The following RANBP2 variants were observed in gnomAD, a reference collection of about 807,000 sequenced individuals.
RANBP2 encodes the protein E3 SUMO-protein ligase RanBP2.
Under a neutral mutation model 303.6 loss-of-function variants are expected in RANBP2, and 57 were observed. The observed-to-expected ratio is 0.19, with a 90% CI of 0.15 to 0.23. RANBP2 has a LOEUF of 0.23. RANBP2 is among the 10% of genes least tolerant of loss of function. The pLI, the probability that RANBP2 is intolerant of heterozygous loss-of-function variation, is 1.00. For missense variants in RANBP2, 3,138 were observed against 3,780.8 expected (o/e 0.83, Z 4.46); for synonymous variants, 1,167 against 1,301.5 (o/e 0.90, Z 2.23).
the RANBP2 span, among the ~76,000 whole-genome samples, chr2:108,906,917 A>G: frequency 7.7e-4 from 117 of 152,368 alleles, no homozygotes; most frequent in African/African-American, 2.5e-3. Flanking sequence ...GCATCCTATC[A>G]GGACCAGGCT....
At chr2:108,773,096 A>T (rs1254858586) in intron 23 of RANBP2, 50 bp downstream of exon 23, 1 of 1,522,168 alleles carries the variant, frequency 6.6e-7, no homozygotes, top group Admixed American at 1.9e-5. Flanking sequence ...GCCTTTGTTG[A>T]TGCAGTAAAC....
the RANBP2 span, chr2:109,490,892 C>T: frequency 6.6e-7 from 1 of 1,526,318 alleles, no homozygotes; most frequent in East Asian, 2.5e-5. Flanking sequence ...CTCCGCTGTC[C>T]ATGGCTGCCA....
At chr2:108,967,755 C>T in the RANBP2 span, among the ~76,000 whole-genome samples, 4 of 152,210 alleles carry the variant, frequency 2.6e-5, no homozygotes, top group African/African-American at 9.6e-5. Flanking sequence ...AAAAACTAGA[C>T]GGTGGATTTC....
chr2:109,213,998 C>T, the RANBP2 span, among the ~76,000 whole-genome samples: 7 of 152,176 alleles, frequency 4.6e-5, no homozygotes, highest in South Asian at 4.2e-4. Context: ...GTGGACGTGG[C>T]GGGCAGGGGA....
chr2:109,333,211 A>G, the RANBP2 span, among the ~76,000 whole-genome samples: 2 of 152,222 alleles, frequency 1.3e-5, no homozygotes, highest in Non-Finnish European at 2.9e-5. Context: ...ACCTGTATCT[A>G]TCAGGTTCAG....
At chr2:108,926,126 G>A in the RANBP2 span, among the ~76,000 whole-genome samples, 4 of 152,126 alleles carry the variant, frequency 2.6e-5, no homozygotes, top group Non-Finnish European at 5.9e-5. Flanking sequence ...TCTCATCCTG[G>A]GCTGCACAGC....
chr2:109,194,002 A>G, the RANBP2 span, among the ~76,000 whole-genome samples: 1 of 152,350 alleles, frequency 6.6e-6, no homozygotes, highest in East Asian at 1.9e-4. Context: ...TGACTGCTGA[A>G]AATAAACTTT....
the RANBP2 span, among the ~76,000 whole-genome samples, chr2:109,243,937 C>T: frequency 5.3e-5 from 8 of 152,122 alleles, no homozygotes; most frequent in East Asian, 1.9e-4. Context: ...CTCATGCCAC[C>T]GACATGCAGC....
the RANBP2 span, among the ~76,000 whole-genome samples, chr2:109,253,318 C>T: frequency 6.6e-6 from 1 of 152,190 alleles, no homozygotes; most frequent in Non-Finnish European, 1.5e-5. Context: ...TGCGCCCGGC[C>T]TAGCCTTTAA....
At chr2:108,735,883 A>G in intron 5 of RANBP2, 121 bp downstream of exon 5, 1 of 1,558,014 alleles carries the variant, frequency 6.4e-7, no homozygotes, top group Non-Finnish European at 8.6e-7. Flanking sequence ...GAACAGTTAT[A>G]AAATGAAATT....
chr2:109,596,634 G>A, the RANBP2 span, among the ~76,000 whole-genome samples: 186 of 151,062 alleles, frequency 1.2e-3, 2 homozygotes, highest in African/African-American at 4.3e-3. Flanking sequence ...AAAAAAAAAA[G>A]AAAAAAATTA....
chr2:108,963,524 T>C, the RANBP2 span, among the ~76,000 whole-genome samples: 1 of 152,138 alleles, frequency 6.6e-6, no homozygotes. Context: ...ACCCCAATGG[T>C]TTCGTCTGGT....
At chr2:109,606,732 T>A in the RANBP2 span, among the ~76,000 whole-genome samples, 2 of 124,326 alleles carry the variant, frequency 1.6e-5, no homozygotes, top group African/African-American at 3.0e-5. Flanking sequence ...CAGGCTGGAG[T>A]GCAGTGGTGC....
At chr2:109,194,495 G>C in the RANBP2 span, among the ~76,000 whole-genome samples, 1 of 152,246 alleles carries the variant, frequency 6.6e-6, no homozygotes, top group African/African-American at 2.4e-5. Flanking sequence ...CTGACAGGTG[G>C]GTGGTGCGCA....
chr2:109,393,318 A>C, the RANBP2 span, among the ~76,000 whole-genome samples: 1 of 152,214 alleles, frequency 6.6e-6, no homozygotes. Context: ...CCGAGCTTGC[A>C]AACAGTGTTC....
chr2:109,010,473 C>T, the RANBP2 span, among the ~76,000 whole-genome samples: 28,987 of 152,092 alleles, frequency 0.19, 2,897 homozygotes, highest in Middle Eastern at 0.33. Flanking sequence ...TAAAATACGA[C>T]GGACAGAGTG....
the RANBP2 span, among the ~76,000 whole-genome samples, chr2:109,524,749 AATAT>A: frequency 6.6e-6 from 1 of 151,898 alleles, no homozygotes; most frequent in Non-Finnish European, 1.5e-5. Context: ...CATCTCAAAA[AATAT>A]ATAAATAAAT....
At chr2:109,031,727 C>A in the RANBP2 span, among the ~76,000 whole-genome samples, 2 of 152,222 alleles carry the variant, frequency 1.3e-5, no homozygotes, top group East Asian at 3.8e-4. Context: ...GGACGCGCTG[C>A]GGGCGCCGGC....
At chr2:109,629,353 ATATT>A in the RANBP2 span, among the ~76,000 whole-genome samples, 1 of 7,288 alleles carries the variant, frequency 1.4e-4, no homozygotes, top group Non-Finnish European at 3.0e-4. Flanking sequence ...ATATATATAT[ATATT>A]TTTTTTTTTT....
Sources: gnomAD v4.1 joint callset for allele counts (sites outside exome capture counted in the v4.1 genomes callset) on GRCh38, gnomAD v4.1.1 for gene constraint, MANE v1.5 for transcripts, NCBI Gene and HGNC (gene_info 2026-07-23, HGNC 2026-07-21) for gene names.